FER: variants seen among roughly 807,000 people sequenced by gnomAD.
The protein encoded by FER is FER tyrosine kinase.
A neutral mutation model predicts 111.0 loss-of-function variants in FER; 63 were observed. The ratio of observed to expected loss-of-function variants is 0.57; its 90% CI spans 0.46 to 0.70. The LOEUF (loss-of-function observed/expected upper bound fraction) is 0.70, where lower values mean the gene tolerates loss of function less well. Among genes scored for constraint, FER ranks in the 30% least tolerant of loss-of-function variants. FER has a pLI of 0.00. For missense variants in FER, 914 were observed against 954.0 expected (o/e 0.96, Z 0.55); for synonymous variants, 327 against 313.9 (o/e 1.04, Z -0.44).
At chr5:108,794,915 A>G (rs1755840651) in intron 2 of FER, among the ~76,000 whole-genome samples, 1 of 152,176 alleles carries the variant, frequency 6.6e-6, no homozygotes, top group Non-Finnish European at 1.5e-5. Flanking sequence ...GTACATGAAT[A>G]TTTACATCTT....
intron 17 of FER, among the ~76,000 whole-genome samples, chr5:109,103,187 A>G (rs558199995): frequency 4.6e-5 from 7 of 152,152 alleles, no homozygotes; most frequent in Admixed American, 2.0e-4. Flanking sequence ...ATGCATGTCT[A>G]TGAATTACAA....
chr5:108,899,197 CTA>C (rs1749637978), intron 10 of FER, among the ~76,000 whole-genome samples: 1 of 150,918 alleles, frequency 6.6e-6, no homozygotes, highest in Admixed American at 6.6e-5. Context: ...TAAAATTAAA[CTA>C]TTGTGGTTGT....
At chr5:109,026,592 G>A (rs1048235479) in intron 13 of FER, among the ~76,000 whole-genome samples, 4 of 152,118 alleles carry the variant, frequency 2.6e-5, no homozygotes, top group African/African-American at 9.7e-5. Flanking sequence ...CTGAAAAATT[G>A]TATATAAAAG....
At chr5:108,859,611 A>T (rs1181471902) in intron 5 of FER, among the ~76,000 whole-genome samples, 1 of 151,524 alleles carries the variant, frequency 6.6e-6, no homozygotes, top group African/African-American at 2.4e-5. Context: ...GCTACCCAGA[A>T]CTCCCTCATT....
At chr5:109,144,525 G>T (rs981007769) in intron 17 of FER, among the ~76,000 whole-genome samples, 4 of 152,108 alleles carry the variant, frequency 2.6e-5, no homozygotes, top group African/African-American at 9.7e-5. Flanking sequence ...ATATCAGATG[G>T]TATCTACATA....
At chr5:108,958,323 G>A (rs1382998542) in intron 12 of FER, among the ~76,000 whole-genome samples, 4 of 151,558 alleles carry the variant, frequency 2.6e-5, no homozygotes, top group East Asian at 1.9e-4. Flanking sequence ...TCTTAAAATG[G>A]GGGTACTCCC....
chr5:108,880,622 A>C (rs1437024609), intron 8 of FER, among the ~76,000 whole-genome samples: 2 of 152,110 alleles, frequency 1.3e-5, no homozygotes, highest in African/African-American at 4.8e-5. Context: ...TGATAGTCAG[A>C]ATATGAACTA....
intron 17 of FER, among the ~76,000 whole-genome samples, chr5:109,109,576 A>T (rs940838430): frequency 6.6e-6 from 1 of 152,118 alleles, no homozygotes; most frequent in Non-Finnish European, 1.5e-5. Context: ...ACACTGATTC[A>T]GGTTAGAGAA....
intron 10 of FER, among the ~76,000 whole-genome samples, chr5:108,913,716 G>A (rs1751872807): frequency 6.6e-6 from 1 of 152,146 alleles, no homozygotes; most frequent in African/African-American, 2.4e-5. Flanking sequence ...AATATTCACA[G>A]GAGCACAATT....
At chr5:108,920,461 C>T (rs908428141) in intron 10 of FER, among the ~76,000 whole-genome samples, 6 of 152,094 alleles carry the variant, frequency 3.9e-5, no homozygotes, top group Non-Finnish European at 1.5e-5. Flanking sequence ...AGTAATTACA[C>T]TGATAATCTT....
intron 16 of FER, among the ~76,000 whole-genome samples, chr5:109,047,511 CA>C (rs1772156079): frequency 6.6e-6 from 1 of 152,218 alleles, no homozygotes; most frequent in Non-Finnish European, 1.5e-5. Flanking sequence ...GACTTTCTAA[CA>C]GTGATAGTAC....
intron 16 of FER, chr5:109,051,601 T>G: frequency 6.2e-7 from 1 of 1,605,024 alleles, no homozygotes; most frequent in Non-Finnish European, 8.5e-7. Context: ...ATTAACCAGC[T>G]TGTACCCAGG....
intron 2 of FER, among the ~76,000 whole-genome samples, chr5:108,790,201 T>TA (rs1755193934): frequency 6.7e-6 from 1 of 149,264 alleles, no homozygotes; most frequent in Admixed American, 6.7e-5. Flanking sequence ...GATCCCATCT[T>TA]AAAAAACTGT....
chr5:108,916,711 G>T (rs1253641045), intron 10 of FER, among the ~76,000 whole-genome samples: 2 of 152,036 alleles, frequency 1.3e-5, no homozygotes, highest in Non-Finnish European at 2.9e-5. Context: ...CCCAGTGTAG[G>T]TGTGTTATTA....
At chr5:108,909,683 G>C (rs1211215659) in intron 10 of FER, among the ~76,000 whole-genome samples, 2 of 151,890 alleles carry the variant, frequency 1.3e-5, no homozygotes, top group Non-Finnish European at 2.9e-5. Flanking sequence ...AAAAACATTT[G>C]AACAGCTGGA....
At chr5:109,136,023 A>G (rs1024299452) in intron 17 of FER, among the ~76,000 whole-genome samples, 6 of 152,104 alleles carry the variant, frequency 3.9e-5, no homozygotes, top group Admixed American at 2.0e-4. Flanking sequence ...TGGGAGGCCA[A>G]GGCAGTTGGT....
chr5:108,985,204 A>C (rs1321352460), intron 13 of FER, among the ~76,000 whole-genome samples: 3 of 152,158 alleles, frequency 2.0e-5, no homozygotes, highest in Non-Finnish European at 4.4e-5. Flanking sequence ...ATAAATGTAA[A>C]GTATGACAAT....
intron 16 of FER, among the ~76,000 whole-genome samples, chr5:109,056,725 T>A (rs1371458273): frequency 1.3e-5 from 2 of 152,158 alleles, no homozygotes; most frequent in East Asian, 1.9e-4. Flanking sequence ...GCTGTTCTTG[T>A]CACACAAAAA....
chr5:109,012,269 A>G (rs967014913), intron 13 of FER, among the ~76,000 whole-genome samples: 2 of 152,238 alleles, frequency 1.3e-5, no homozygotes, highest in Non-Finnish European at 2.9e-5. Context: ...GTTCACATAG[A>G]TAAATACAAC....
Sources: allele counts gnomAD v4.1 joint callset (sites outside exome capture counted in the v4.1 genomes callset), GRCh38; gene constraint gnomAD v4.1.1; transcripts MANE v1.5; gene names NCBI Gene and HGNC (gene_info 2026-07-23, HGNC 2026-07-21).